The following RNF145 variants were observed in gnomAD, a reference collection of about 807,000 sequenced individuals.
RNF145 encodes ring finger protein 145.
In RNF145, 12 loss-of-function variants were observed where a neutral mutation model predicts 57.3. The ratio of observed to expected loss-of-function variants is 0.21; its 90% CI spans 0.13 to 0.34. RNF145 has a LOEUF of 0.34. Among genes scored for constraint, RNF145 ranks in the 10% least tolerant of loss-of-function variants. The pLI is 1.00. For missense variants in RNF145, 429 were observed against 799.0 expected, an observed-to-expected ratio of 0.54 and a Z score of 5.58; for synonymous variants, 262 against 288.3, an observed-to-expected ratio of 0.91 and a Z score of 0.92.
intron 3 of RNF145, among the ~76,000 whole-genome samples, chr5:159,190,432 T>C (rs1785248688): frequency 6.6e-6 from 1 of 152,008 alleles, no homozygotes; most frequent in Non-Finnish European, 1.5e-5. Context: ...ATACCTGTAA[T>C]CCCAAAGCTT....
rs1346060522 is a variant in RNF145 at position 159,158,625 on chromosome 5, A to C, written c.*45T>G. On this transcript the variant is annotated 3_prime_UTR_variant, in exon 11 of 11. Coordinates refer to ENST00000424310, the MANE Select transcript of RNF145 (RefSeq NM_001199383.2). Reference sequence around the variant, plus strand: ...AGAACATGAATTCCATCTTGAGTTAACTTCTCCTCCAGAGTATCAAAGCAT... The same window carrying C: ...AGAACATGAATTCCATCTTGAGTTACCTTCTCCTCCAGAGTATCAAAGCAT... The C allele has an allele frequency of 1.9e-6, 3 of 1,570,746 alleles. No individual in the cohort carries two copies. The highest frequency in any genetic ancestry group is 1.7e-6 in the Non-Finnish European group (2 of 1,156,992).
At chr5:159,200,338 C>T (rs933067029) in intron 2 of RNF145, among the ~76,000 whole-genome samples, 3 of 151,852 alleles carry the variant, frequency 2.0e-5, no homozygotes, top group African/African-American at 7.3e-5. Context: ...AAACCCTCAA[C>T]AAATAAGACA....
chr5:159,186,041 C>T (rs1408581249), intron 3 of RNF145, among the ~76,000 whole-genome samples: 2 of 152,074 alleles, frequency 1.3e-5, no homozygotes, highest in Non-Finnish European at 2.9e-5. Context: ...CTGGACAACA[C>T]GGTGAAACTC....
Position 159,204,207 on chromosome 5 carries a change from G to A in RNF145, c.-39-551C>T, listed in dbSNP as rs553152689. 7.2e-5 allele frequency among the ~76,000 whole-genome samples: 11 copies of A among 152,258 alleles called. No individual in the cohort carries two copies. In the East Asian group the frequency reaches 1.5e-3, roughly 21 times the overall value. On this transcript the variant is annotated intron_variant, in intron 1 of 10. Transcript: ENST00000424310. ...CTCATGATGTAGATACAGGTAGAGG[G>A]AACATTATTTACAATATCATTTCCT...
intron 3 of RNF145, among the ~76,000 whole-genome samples, chr5:159,189,562 G>A (rs1049145965): frequency 6.6e-6 from 1 of 152,168 alleles, no homozygotes; most frequent in African/African-American, 2.4e-5. Flanking sequence ...GTTAAATATA[G>A]GCACCACATG....
chr5:159,178,387 C>T (rs1162745330), intron 4 of RNF145, among the ~76,000 whole-genome samples: 1 of 151,876 alleles, frequency 6.6e-6, no homozygotes, highest in East Asian at 1.9e-4. Flanking sequence ...TATATAAGAA[C>T]TTGTTACTTT....
chr5:159,173,973 T>TA lies in RNF145; in HGVS notation c.797+9dup, dbSNP rs1273796925. On this transcript the variant is annotated intron_variant, in intron 6 of 10. Transcript: ENST00000424310. The stretch of plus-strand genomic sequence containing the variant: ...GGTTATATATAGTATCATAGGCTCT[T>TA]ATTAATTACCTTGTCAGAAAAAGGA... 3.1e-6 allele frequency: 5 copies of TA among 1,593,350 alleles called. No homozygotes were observed. In the African/African-American group the frequency reaches 6.8e-5, roughly 22 times the overall value.
At chr5:159,167,470 G>A (rs572977526) in intron 8 of RNF145, among the ~76,000 whole-genome samples, 1 of 152,254 alleles carries the variant, frequency 6.6e-6, no homozygotes, top group African/African-American at 2.4e-5. Flanking sequence ...GCCATCCACT[G>A]ATTCTTATAC....
chr5:159,195,222 A>G (rs1785417276), intron 2 of RNF145, among the ~76,000 whole-genome samples: 2 of 151,888 alleles, frequency 1.3e-5, no homozygotes, highest in African/African-American at 4.8e-5. Context: ...TTAAGACCTT[A>G]TTTCTCCAAC....
At chr5:159,209,615 C>T (rs1271175054), upstream of RNF145, 6 of 1,072,994 alleles carry the variant, frequency 5.6e-6, no homozygotes, top group African/African-American at 1.7e-5. Context: ...CGCGGCGCGC[C>T]CCTCCCGCGC....
In RNF145 at chr5:159,180,129, G is replaced by A. The variant is rs140663262; in HGVS notation, c.385+1831C>T. 3.8e-3 allele frequency among the ~76,000 whole-genome samples: 580 copies of A among 152,192 alleles called. 3 individuals carry two copies. Among genetic ancestry groups the A allele is most frequent in the Non-Finnish European group, 6.3e-3 (429 of 67,980 alleles). Reference sequence around the variant, plus strand: ...GAAGGAGAGGGAGGGAAGTAGGCAGGTTCCTACTTAACTGGACTCTTACAA... The same window carrying A: ...GAAGGAGAGGGAGGGAAGTAGGCAGATTCCTACTTAACTGGACTCTTACAA... On this transcript the variant is annotated intron_variant, in intron 4 of 10. Coordinates refer to ENST00000424310, the MANE Select transcript of RNF145 (RefSeq NM_001199383.2).
intron 1 of RNF145, among the ~76,000 whole-genome samples, chr5:159,205,393 G>C (rs61128141): frequency 6.6e-6 from 1 of 151,888 alleles, no homozygotes; most frequent in South Asian, 2.1e-4. Context: ...AACCACTGAG[G>C]AATCTAAATT....
chr5:159,158,617 T>C lies in RNF145; in HGVS notation c.*53A>G. ...CTCAAATCAGAACATGAATTCCATC[T>C]TGAGTTAACTTCTCCTCCAGAGTAT... On this transcript the variant is annotated 3_prime_UTR_variant, in exon 11 of 11. Coordinates refer to ENST00000424310, the MANE Select transcript of RNF145 (RefSeq NM_001199383.2). The C allele has an allele frequency of 6.4e-7, 1 of 1,557,672 alleles. No individual in the cohort carries two copies. The highest frequency in any genetic ancestry group is 2.3e-5 in the East Asian group (1 of 44,390).
Position 159,158,445 on chromosome 5 carries a change from G to A in RNF145, c.*225C>T, listed in dbSNP as rs1784110077. The A allele has an allele frequency of 1.8e-6, 1 of 547,652 alleles. No individual in the cohort carries two copies. The highest frequency in any genetic ancestry group is 1.9e-5 in the African/African-American group (1 of 53,240). 33.9% of individuals were successfully genotyped at this position (547,652 alleles called of 1,614,324 possible). On this transcript the variant is annotated 3_prime_UTR_variant, in exon 11 of 11. Transcript: ENST00000424310. ...CAAACCTCTATAAAACATCAGCAGA[G>A]AACATATAAATACATTTTGATTAGC... is the stretch of plus-strand genomic sequence containing the variant.
At chr5:159,186,326 G>A (rs1437701051) in intron 3 of RNF145, among the ~76,000 whole-genome samples, 1 of 152,090 alleles carries the variant, frequency 6.6e-6, no homozygotes, top group Non-Finnish European at 1.5e-5. Flanking sequence ...AAATAAATGG[G>A]TACCAAGAAC....
chr5:159,161,624 T>TA lies in RNF145; in HGVS notation c.1270-3_1270-2insT. On this transcript the variant is annotated splice_polypyrimidine_tract_variant and splice_region_variant and intron_variant, in intron 9 of 10. Transcript: ENST00000424310. ...ATAAATAAAAAGTGTTCCCAGAACC[T>TA]GAAAAAAAAAAAAAAATGTACGTAT... The TA allele has an allele frequency of 8.1e-6, 11 of 1,354,198 alleles. No individual in the cohort carries two copies. The highest frequency in any genetic ancestry group is 1.9e-4 in the Middle Eastern group (1 of 5,342). 83.9% of individuals were successfully genotyped at this position (1,354,198 alleles called of 1,614,324 possible).
intron 3 of RNF145, 112 bp downstream of exon 3, chr5:159,194,604 T>C (rs1785393147): frequency 1.1e-5 from 8 of 698,582 alleles, no homozygotes; most frequent in Middle Eastern, 5.0e-4. Flanking sequence ...AAACCAGTTT[T>C]GGACCTACCA....
intron 3 of RNF145, among the ~76,000 whole-genome samples, chr5:159,184,564 CTTT>C (rs1266604658): frequency 3.9e-5 from 6 of 152,048 alleles, no homozygotes; most frequent in Non-Finnish European, 7.4e-5. Flanking sequence ...ATTTTAACGT[CTTT>C]TTTATTGATA....
intron 1 of RNF145, among the ~76,000 whole-genome samples, chr5:159,204,347 G>A (rs563265854): frequency 8.3e-4 from 126 of 152,020 alleles, no homozygotes; most frequent in Middle Eastern, 3.4e-3. Context: ...CAGGCATTGA[G>A]TCTGCAGCCC....
Sources: gnomAD v4.1 joint callset for allele counts (sites outside exome capture counted in the v4.1 genomes callset) on GRCh38, gnomAD v4.1.1 for gene constraint, MANE v1.5 for transcripts, NCBI Gene and HGNC (gene_info 2026-07-23, HGNC 2026-07-21) for gene names.